Variants in ZNF14 observed in about 807,000 individuals in gnomAD.
ZNF14 encodes gonadotropin inducible transcription repressor-4.
A neutral mutation model predicts 11.3 loss-of-function variants in ZNF14; 9 were observed. The ratio of observed to expected loss-of-function variants is 0.80; its 90% CI spans 0.48 to 1.39. ZNF14 has a LOEUF of 1.39. Among genes scored for constraint, ZNF14 ranks in the 40% most tolerant of loss-of-function variants. The probability of loss-of-function intolerance (pLI) is 0.00; values close to 1 mark genes in which losing one functional copy is unlikely to be tolerated. For synonymous variants in ZNF14, 239 were observed against 245.7 expected (o/e 0.97, Z 0.25); for missense variants, 711 against 763.9 (o/e 0.93, Z 0.82).
chr19:19,715,366 G>C (rs182420173), intron 1 of ZNF14, among the ~76,000 whole-genome samples: 133 of 152,272 alleles, frequency 8.7e-4, no homozygotes, highest in African/African-American at 2.9e-3. Context: ...TACTGCAGTG[G>C]AGTAATTAAG....
At chr19:19,731,919 T>G (rs934224538) in intron 1 of ZNF14, among the ~76,000 whole-genome samples, 2 of 152,018 alleles carry the variant, frequency 1.3e-5, no homozygotes, top group Non-Finnish European at 2.9e-5. Context: ...TACAAAAAAA[T>G]TAGCTGGGCG....
intron 1 of ZNF14, among the ~76,000 whole-genome samples, chr19:19,722,767 TCTC>T (rs1182876214): frequency 6.6e-6 from 1 of 152,156 alleles, no homozygotes; most frequent in African/African-American, 2.4e-5. Context: ...GGTTTGTAGT[TCTC>T]CTTGAATAGT....
chr19:19,715,768 T>A (rs1440770618), intron 1 of ZNF14, among the ~76,000 whole-genome samples: 1 of 152,242 alleles, frequency 6.6e-6, no homozygotes, highest in Non-Finnish European at 1.5e-5. Context: ...TTTCTCTTCC[T>A]CAGGGGGAAC....
chr19:19,712,091 T>C lies in ZNF14; in HGVS notation c.1190A>G (p.His397Arg), dbSNP rs1483185021. The change falls in exon 4 of 4, where the codon CAT becomes CGT. Residue 397 changes from histidine (H) to arginine (R), a missense_variant. Physicochemically the swap from His to Arg is conservative, Grantham distance 29 (BLOSUM62 0). Transcript: ENST00000344099. Reference protein sequence around the residue: ...GEKPYECKQCHKTFSFSSSLR... With the variant: ...GEKPYECKQCRKTFSFSSSLR... ...GGAACTTGAAAAACTGAAGGTTTTATGACACTGTTTACACTCATAAGGTTT... is the reference window on the plus strand; with the variant it reads ...GGAACTTGAAAAACTGAAGGTTTTACGACACTGTTTACACTCATAAGGTTT... The C allele has an allele frequency of 2.5e-6, 4 of 1,613,582 alleles. No homozygotes were observed. Among genetic ancestry groups the C allele is most frequent in the Non-Finnish European group, 3.4e-6 (4 of 1,179,906 alleles).
At chr19:19,713,763 T>C (rs377135783) in intron 3 of ZNF14, among the ~76,000 whole-genome samples, 12 of 148,808 alleles carry the variant, frequency 8.1e-5, no homozygotes, top group South Asian at 4.3e-4. Context: ...TTTTTTTTTT[T>C]CCCCAGATGA....
chr19:19,718,745 T>C (rs532926351), intron 1 of ZNF14, among the ~76,000 whole-genome samples: 1 of 152,208 alleles, frequency 6.6e-6, no homozygotes, highest in East Asian at 1.9e-4. Context: ...ACATCTTTGT[T>C]ATAAAAACAT....
rs1320560461 is a variant in ZNF14, at chr19:19,711,510, G to A, written c.1771C>T (p.Gln591Ter). Residue 591 changes from glutamine to a stop codon, truncating the protein, a stop_gained, in exon 4 of 4, where the codon CAA (glutamine) becomes TAA (stop). Transcript: ENST00000344099. LOFTEE classifies it low-confidence loss of function (END_TRUNC). The stretch of plus-strand genomic sequence containing the variant: ...GAAAATCTGAAGGCTTTCCCACATT[G>A]TTTACATCGATAGGGTTTCTCTCCC... ...HTGEKPYRCK[Q>*]CGKAFRFSSS... 1.9e-6 allele frequency: 3 copies of A among 1,613,846 alleles called. No individual in the cohort carries two copies. Among genetic ancestry groups the A allele is most frequent in the East Asian group, 2.2e-5 (1 of 44,836 alleles).
intron 1 of ZNF14, among the ~76,000 whole-genome samples, chr19:19,721,459 T>G (rs1278103907): frequency 2.0e-5 from 3 of 152,142 alleles, no homozygotes; most frequent in Non-Finnish European, 2.9e-5. Context: ...ATCTCCAACT[T>G]TTCTCCAAAT....
intron 1 of ZNF14, among the ~76,000 whole-genome samples, chr19:19,719,523 G>A (rs544343585): frequency 6.6e-6 from 1 of 152,258 alleles, no homozygotes; most frequent in South Asian, 2.1e-4. Flanking sequence ...TTTACAAGAG[G>A]ACTTGGGTTA....
Position 19,711,844 on chromosome 19 carries a change from C to A in ZNF14, c.1437G>T (p.Gln479His), listed in dbSNP as rs375308974. 1 of 1,610,388 alleles carries A rather than the reference C, an allele frequency of 6.2e-7. No individual in the cohort carries two copies. Among genetic ancestry groups the A allele is most frequent in the Non-Finnish European group, 8.5e-7 (1 of 1,178,602 alleles). The change falls in exon 4 of 4, where the codon CAG becomes CAT. Residue 479 changes from glutamine (Q) to histidine (H), a missense_variant. Gln to His is a conservative substitution (Grantham distance 24, BLOSUM62 0). Transcript: ENST00000344099. The part of the protein sequence containing the change: ...HTGEKPYECK[Q>H]CGKVFIRSSS... ...TGGAACGAATGAAAACTTTTCCACA[C>A]TGTTTACATTCATAGGGTTTCTCTC...
chr19:19,721,217 A>T (rs60133934), intron 1 of ZNF14, among the ~76,000 whole-genome samples: 1,537 of 152,218 alleles, frequency 0.01, 25 homozygotes, highest in African/African-American at 0.035. Context: ...TGGCCTCCCA[A>T]AGTGCTAGGA....
In ZNF14 at chr19:19,730,317, G is replaced by A. The variant is rs573889338; in HGVS notation, c.3+2639C>T. 3.9e-5 allele frequency among the ~76,000 whole-genome samples: 6 copies of A among 152,108 alleles called. 1 individual carries two copies. The South Asian group carries it at 6.2e-4, about 16-fold the overall frequency. ...GCTGGGATTACAGGCGTGACCCACC[G>A]TGCCCAGCCCGCAGTTTTATTTAAG... is the stretch of plus-strand genomic sequence containing the variant. On this transcript the variant is annotated intron_variant, in intron 1 of 3. Coordinates refer to ENST00000344099, the MANE Select transcript of ZNF14 (RefSeq NM_021030.3).
intron 1 of ZNF14, among the ~76,000 whole-genome samples, chr19:19,717,721 C>T (rs557281065): frequency 2.6e-5 from 4 of 152,292 alleles, no homozygotes; most frequent in African/African-American, 7.2e-5. Context: ...CTTATCATAT[C>T]ACAAAACATC....
rs139205030 is a variant in ZNF14, at chr19:19,733,065, A to C, written c.-107T>G. The C allele has an allele frequency of 8.4e-6, 12 of 1,431,820 alleles. No homozygotes were observed. The East Asian group carries it at 2.7e-4, about 33-fold the overall frequency. 88.7% of individuals were successfully genotyped at this position (1,431,820 alleles called of 1,614,324 possible). A position where few individuals can be genotyped will look rare whatever the true frequency, so the allele number is the denominator to read the frequency against. On this transcript the variant is annotated 5_prime_UTR_variant, in exon 1 of 4. Transcript: ENST00000344099. ...AGAGCCACCTTCGGCCTTCAGGAGCAGGTGAAACGCAATCTTCCCATGGGC... is the reference window on the plus strand; with the variant it reads ...AGAGCCACCTTCGGCCTTCAGGAGCCGGTGAAACGCAATCTTCCCATGGGC...
Position 19,714,395 on chromosome 19 carries a change from C to G in ZNF14, c.96G>C (p.Val32=), listed in dbSNP as rs1225734318. ...CCAGGTTTTTGAAGGTCTCCTGCAT[C>G]ACATCTTCATAGAGCTTTTTCTGTG... is the stretch of plus-strand genomic sequence containing the variant. ...DSSQKKLYED[V]MQETFKNLVC... Residue 32 remains valine, a synonymous_variant, in exon 2 of 4, where the codon GTG becomes GTC. Coordinates refer to ENST00000344099, the MANE Select transcript of ZNF14 (RefSeq NM_021030.3). 6.2e-7 allele frequency: 1 copy of G among 1,614,112 alleles called. No individual in the cohort carries two copies. The highest frequency in any genetic ancestry group is 8.5e-7 in the Non-Finnish European group (1 of 1,180,018).
chr19:19,733,085 A>T lies in ZNF14; in HGVS notation c.-127T>A. On this transcript the variant is annotated 5_prime_UTR_variant, in exon 1 of 4. It removes an upstream start codon present in the reference 5' UTR. Transcript: ENST00000344099. ...GGAGCAGGTGAAACGCAATCTTCCC[A>T]TGGGCCAGGAATGGCGACGTCCGCA... The T allele has an allele frequency of 8.0e-7, 1 of 1,254,980 alleles. No homozygotes were observed. Among genetic ancestry groups the T allele is most frequent in the Admixed American group, 2.2e-5 (1 of 45,436 alleles). The allele number at this position is 1,254,980 out of a possible 1,614,324, so 77.7% of individuals were successfully genotyped here.
In ZNF14 at chr19:19,711,218, G is replaced by T; in HGVS notation, c.*134C>A. The T allele has an allele frequency of 9.9e-7, 1 of 1,006,562 alleles. No individual in the cohort carries two copies. Among genetic ancestry groups the T allele is most frequent in the Non-Finnish European group, 1.4e-6 (1 of 720,544 alleles). 62.4% of individuals were successfully genotyped at this position (1,006,562 alleles called of 1,614,324 possible). On this transcript the variant is annotated 3_prime_UTR_variant, in exon 4 of 4. Transcript: ENST00000344099. ...TTCTCACCAGTGGGAATTCTTTCGT[G>T]CTCAAAAGAAACTGGAACAATTAAG...
chr19:19,712,201 T>C lies in ZNF14; in HGVS notation c.1080A>G (p.Glu360=). 1 of 1,613,988 alleles carries C rather than the reference T, an allele frequency of 6.2e-7. No individual in the cohort carries two copies. Among genetic ancestry groups the C allele is most frequent in the Middle Eastern group, 1.6e-4 (1 of 6,062 alleles). The change falls in exon 4 of 4, where the codon GAA becomes GAG. Residue 360 remains glutamate (E), a synonymous_variant. Coordinates refer to ENST00000344099, the MANE Select transcript of ZNF14 (RefSeq NM_021030.3). ...CACATCGTTTACATTCATATGGTTT[T>C]TCTCCAATATGAGTTCTTTCATGCA... ...CRVHERTHIG[E]KPYECKRCGK...
intron 1 of ZNF14, among the ~76,000 whole-genome samples, chr19:19,730,273 C>T (rs959659507): frequency 6.6e-6 from 1 of 151,942 alleles, no homozygotes; most frequent in African/African-American, 2.4e-5. Flanking sequence ...GTGATCCGCC[C>T]GCCTCGGCCT....
Sources: gnomAD v4.1 joint callset for allele counts (sites outside exome capture counted in the v4.1 genomes callset) on GRCh38, gnomAD v4.1.1 for gene constraint, MANE v1.5 for transcripts, NCBI Gene and HGNC (gene_info 2026-07-23, HGNC 2026-07-21) for gene names.